Variants in CEP170B observed in about 807,000 individuals in gnomAD.
CEP170B encodes centrosomal protein of 170 kDa protein B.
Under a neutral mutation model 120.6 loss-of-function variants are expected in CEP170B, and 55 were observed. That is an observed-to-expected ratio of 0.46 (90% confidence interval 0.37 to 0.57). The LOEUF (loss-of-function observed/expected upper bound fraction) is 0.57. Ranked by LOEUF, CEP170B falls within the 20% of genes least tolerant of loss-of-function variation. The pLI, the probability that CEP170B is intolerant of heterozygous loss-of-function variation, is 0.00. For synonymous variants in CEP170B, 1,033 were observed against 954.5 expected, an observed-to-expected ratio of 1.08 and a Z score of -1.52; for missense variants, 2,212 against 2,253.3, an observed-to-expected ratio of 0.98 and a Z score of 0.37.
At chr14:104,893,998 T>G in intron 16 of CEP170B, 149 bp downstream of exon 16, 1 of 783,258 alleles carries the variant, frequency 1.3e-6, no homozygotes, top group Non-Finnish European at 2.1e-6. Context: ...CACGTGTATG[T>G]GGCTCCCAGC....
intron 2 of CEP170B, among the ~76,000 whole-genome samples, chr14:104,872,640 C>T (rs1270455111): frequency 1.3e-5 from 2 of 152,112 alleles, no homozygotes; most frequent in East Asian, 1.9e-4. Flanking sequence ...TGCACTCTTG[C>T]GTGCTGCCCC....
intron 5 of CEP170B, among the ~76,000 whole-genome samples, chr14:104,880,084 C>G (rs1896065642): frequency 6.6e-6 from 1 of 152,182 alleles, no homozygotes; most frequent in Admixed American, 6.5e-5. Context: ...GAAGCTGCCC[C>G]TCCCCAGGCT....
In CEP170B at chr14:104,877,918, A is replaced by C; in HGVS notation, c.229A>C (p.Lys77Gln). 6.3e-7 allele frequency: 1 copy of C among 1,581,574 alleles called. No individual in the cohort carries two copies. The highest frequency in any genetic ancestry group is 8.6e-7 in the Non-Finnish European group (1 of 1,163,512). ...FVNDMRIPDQ[K>Q]YVTLKLNDVI... is the part of the protein sequence containing the mutation. ...GAATGACATGCGCATCCCGGACCAG[A>C]AGTACGTCACGCTGAAGCTCAACGA... Residue 77 changes from lysine (K) to glutamine (Q), a missense_variant, in exon 4 of 19, where the codon AAG becomes CAG. Lys to Gln is a moderately conservative substitution (Grantham distance 53, BLOSUM62 1). This residue lies in a region of CEP170B where 2,166 missense variants were observed against 2,166.7 expected (regional missense o/e 1.00). Transcript: ENST00000414716.
In CEP170B at chr14:104,880,346, C is replaced by G; in HGVS notation, c.393C>G (p.Ser131Arg). 1 of 1,611,966 alleles carries G rather than the reference C, an allele frequency of 6.2e-7. No homozygotes were observed. The highest frequency in any genetic ancestry group is 8.5e-7 in the Non-Finnish European group (1 of 1,179,392). ...TGAAGGGTTTGGCGCCCAAGAGGAG[C>G]GAGGCACTGCCGGAACACACACCAT... ...VSVKGLAPKR[S>R]EALPEHTPYC... Residue 131 changes from serine (S) to arginine (R), a missense_variant, in exon 6 of 19, where the codon AGC becomes AGG. By Grantham distance (110) the Ser-to-Arg change is moderately radical (BLOSUM62 -1). This residue lies in a region of CEP170B where 2,166 missense variants were observed against 2,166.7 expected (regional missense o/e 1.00). Transcript: ENST00000414716.
At chr14:104,888,411 A>G (rs559608050) in intron 12 of CEP170B, among the ~76,000 whole-genome samples, 1 of 152,290 alleles carries the variant, frequency 6.6e-6, no homozygotes, top group East Asian at 1.9e-4. Flanking sequence ...TGGCTCAGTG[A>G]AGGGTGCCAA....
At position 104,867,095 on chromosome 14, in the gene CEP170B, G is replaced by C. The variant is rs1895241835; in HGVS notation, c.-27-1329G>C. 6.6e-6 allele frequency among the ~76,000 whole-genome samples: 1 copy of C among 152,184 alleles called. No individual in the cohort carries two copies. The highest frequency in any genetic ancestry group is 1.9e-4 in the East Asian group (1 of 5,196). ...GCTCTCCTTCTCAGTTTTTGAATAA[G>C]GGTACCGCGTTTTCTTTTTGTGCTG... On this transcript the variant is annotated intron_variant, in intron 1 of 18. Transcript: ENST00000414716. The surrounding 1 kb of genome is among the most constrained non-coding windows in gnomAD (Gnocchi z 5.4).
In CEP170B at chr14:104,877,960, T is replaced by C; in HGVS notation, c.271T>C (p.Tyr91His). ...LKLNDVIRFG[Y>H]DSNMYVLERV... ...GCTCAACGATGTCATCCGCTTCGGC[T>C]ACGATATCCTGCCCCTGAGCGTCCC... The change falls in exon 4 of 19, where the codon TAC becomes CAC. Residue 91 changes from tyrosine (Y) to histidine (H), a missense_variant. This residue lies in a region of CEP170B where 2,166 missense variants were observed against 2,166.7 expected (regional missense o/e 1.00). Coordinates refer to ENST00000414716, the MANE Select transcript of CEP170B (RefSeq NM_001112726.3). 6.2e-7 allele frequency: 1 copy of C among 1,605,784 alleles called. No individual in the cohort carries two copies. The highest frequency in any genetic ancestry group is 8.5e-7 in the Non-Finnish European group (1 of 1,176,836).
chr14:104,892,663 GGA>G (rs1896902203), intron 13 of CEP170B, among the ~76,000 whole-genome samples: 1 of 152,232 alleles, frequency 6.6e-6, no homozygotes, highest in Non-Finnish European at 1.5e-5. Context: ...CTGGGGGGCC[GGA>G]GAGAGAGGAG....
chr14:104,873,180 G>A (rs1954675664), intron 2 of CEP170B, among the ~76,000 whole-genome samples: 1 of 152,018 alleles, frequency 6.6e-6, no homozygotes, highest in Admixed American at 6.6e-5. Context: ...GAAAGCCCTG[G>A]CCGGGGGTGG....
chr14:104,886,214 C>G, intron 11 of CEP170B, 61 bp from the exon 12 acceptor site: 1 of 1,471,456 alleles, frequency 6.8e-7, no homozygotes, highest in Non-Finnish European at 9.0e-7. Context: ...GCTGCCTCTT[C>G]CTGAGCGTGG....
chr14:104,884,245 C>G lies in CEP170B; in HGVS notation c.1466C>G (p.Pro489Arg), dbSNP rs1196924637. Residue 489 changes from proline (P) to arginine (R), a missense_variant, in exon 9 of 19, where the codon CCC (proline) becomes CGC (arginine). By Grantham distance (103) the Pro-to-Arg change is moderately radical. Transcript: ENST00000414716. ...CCCGCCTCCCGAACCCCTGCCCGCC[C>G]CTTCGGAAGCGTGGGGCGCCGCTCC... ...PSPASRTPAR[P>R]FGSVGRRSRL... The G allele has an allele frequency of 6.5e-7, 1 of 1,544,556 alleles. No homozygotes were observed. The highest frequency in any genetic ancestry group is 1.2e-5 in the South Asian group (1 of 83,878).
intron 1 of CEP170B, among the ~76,000 whole-genome samples, chr14:104,866,978 C>G (rs1895237206): frequency 6.6e-6 from 1 of 152,246 alleles, no homozygotes; most frequent in African/African-American, 2.4e-5. Flanking sequence ...GCCCCATGTC[C>G]ACTCAGGAGC....
chr14:104,881,122 G>A (rs1475478531), intron 6 of CEP170B, among the ~76,000 whole-genome samples: 2 of 152,330 alleles, frequency 1.3e-5, no homozygotes, highest in African/African-American at 2.4e-5. Flanking sequence ...GGGCTCAGGG[G>A]TTGGTGGTTT....
chr14:104,872,284 T>TGC lies in CEP170B; in HGVS notation c.105+3730_105+3731dup, dbSNP rs1423173715. Among the ~76,000 whole-genome samples the TGC allele has an allele frequency of 1.7e-3, 96 of 54,950 alleles. 6 individuals carry two copies. Among genetic ancestry groups the TGC allele is most frequent in the African/African-American group, 7.2e-3 (92 of 12,780 alleles). 36.0% of individuals were successfully genotyped at this position (54,950 alleles called of 152,430 possible). ...TGTGCGTGTGGGTGTGCCGTGTGTGTGCCGCGTGTGTGTGCCATGGGTGTG... is the reference window on the plus strand; with the variant it reads ...TGTGCGTGTGGGTGTGCCGTGTGTGTGCGCCGCGTGTGTGTGCCATGGGTGTG... On this transcript the variant is annotated intron_variant, in intron 2 of 18. Coordinates refer to ENST00000414716, the MANE Select transcript of CEP170B (RefSeq NM_001112726.3).
At chr14:104,892,258 G>A (rs1351712334) in intron 13 of CEP170B, among the ~76,000 whole-genome samples, 1 of 152,176 alleles carries the variant, frequency 6.6e-6, no homozygotes, top group Non-Finnish European at 1.5e-5. Flanking sequence ...CAGAGGGCTG[G>A]GAGCTGCTCA....
Position 104,884,532 on chromosome 14 carries a change from C to T in CEP170B, c.1753C>T (p.Arg585Trp), listed in dbSNP as rs998323582. 2.6e-6 allele frequency: 4 copies of T among 1,558,438 alleles called. No individual in the cohort carries two copies. Among genetic ancestry groups the T allele is most frequent in the South Asian group, 1.2e-5 (1 of 84,458 alleles). The change falls in exon 9 of 19, where the codon CGG (arginine) becomes TGG (tryptophan). Residue 585 changes from arginine to tryptophan, a missense_variant. By Grantham distance (101) the Arg-to-Trp change is moderately radical. Transcript: ENST00000414716. The stretch of plus-strand genomic sequence containing the variant: ...GCAGGACACGGAGGTGGAGGAGGCC[C>T]GGAAGATGATCGACCAGGTGCAGCC... ...EAQDTEVEEARKMIDQVFGVL... is the reference protein window; with the variant it reads ...EAQDTEVEEAWKMIDQVFGVL...
rs368094293 is a variant in CEP170B at position 104,894,692 on chromosome 14, C to T, written c.4418-19C>T. The T allele has an allele frequency of 1.9e-6, 3 of 1,570,128 alleles. No individual in the cohort carries two copies. The highest frequency in any genetic ancestry group is 2.6e-6 in the Non-Finnish European group (3 of 1,155,312). On this transcript the variant is annotated intron_variant, in intron 18 of 18. Coordinates refer to ENST00000414716, the MANE Select transcript of CEP170B (RefSeq NM_001112726.3). Reference sequence around the variant, plus strand: ...AGGTGAACTGGATCCGCAGCCTGACCCTCCCTCCCCACCTCCAGTTATCAA... The same window carrying T: ...AGGTGAACTGGATCCGCAGCCTGACTCTCCCTCCCCACCTCCAGTTATCAA...
In CEP170B at chr14:104,894,835, C is replaced by T. The variant is rs545093477; in HGVS notation, c.4542C>T (p.Pro1514=). 28 of 1,609,464 alleles carry T rather than the reference C, an allele frequency of 1.7e-5. No homozygotes were observed. Among genetic ancestry groups the T allele is most frequent in the South Asian group, 1.4e-4 (13 of 90,944 alleles). The part of the protein sequence containing the change: ...GRVAAQSPPS[P]ASAEALLPAL... ...TGGCTGCCCAGAGCCCACCCTCACC[C>T]GCCTCAGCCGAGGCCCTGCTGCCAG... The change falls in exon 19 of 19, where the codon CCC becomes CCT. Residue 1514 remains proline (P), a synonymous_variant. Coordinates refer to ENST00000414716, the MANE Select transcript of CEP170B (RefSeq NM_001112726.3).
Position 104,878,494 on chromosome 14 carries a change from C to T in CEP170B, c.326C>T (p.Ala109Val), listed in dbSNP as rs1895978327. 6.2e-7 allele frequency: 1 copy of T among 1,611,378 alleles called. No homozygotes were observed. Among genetic ancestry groups the T allele is most frequent in the South Asian group, 1.1e-5 (1 of 91,032 alleles). The change falls in exon 5 of 19, where the codon GCA becomes GTA. Residue 109 changes from alanine to valine, a missense_variant. By Grantham distance (64) the Ala-to-Val change is moderately conservative (BLOSUM62 0). Coordinates refer to ENST00000414716, the MANE Select transcript of CEP170B (RefSeq NM_001112726.3). ...ERVQHRVPEEALKHEKYTSQL... is the reference protein window; with the variant it reads ...ERVQHRVPEEVLKHEKYTSQL... ...GTGCAGCACCGAGTCCCGGAGGAGG[C>T]ACTCAAGGTTAGTGCTGGCCAAGCC...
Sources: gnomAD v4.1 joint callset for allele counts (sites outside exome capture counted in the v4.1 genomes callset) on GRCh38, gnomAD v4.1.1 for gene constraint, gnomAD v4.1.1 regional missense constraint, Gnocchi (gnomAD v3.1) non-coding constraint, MANE v1.5 for transcripts, NCBI Gene and HGNC (gene_info 2026-07-23, HGNC 2026-07-21) for gene names.